N4BP2L2: variants seen among roughly 807,000 people sequenced by gnomAD.
N4BP2L2 encodes NEDD4 binding protein 2 like 2, also known as NEDD4-binding protein 2-like 2.
A neutral mutation model predicts 56.2 loss-of-function variants in N4BP2L2; 50 were observed. The ratio of observed to expected loss-of-function variants is 0.89; its 90% CI spans 0.71 to 1.13. The LOEUF (loss-of-function observed/expected upper bound fraction) is 1.13, where lower values mean the gene tolerates loss of function less well. Among genes scored for constraint, N4BP2L2 ranks in the 50% most tolerant of loss-of-function variants. The probability of loss-of-function intolerance (pLI) is 0.00; values close to 1 mark genes in which losing one functional copy is unlikely to be tolerated. For missense variants in N4BP2L2, 689 were observed against 693.8 expected (o/e 0.99, Z 0.08); for synonymous variants, 203 against 223.6 (o/e 0.91, Z 0.82).
intron 6 of N4BP2L2, among the ~76,000 whole-genome samples, chr13:32,496,311 T>C (rs1056129171): frequency 1.3e-5 from 2 of 152,196 alleles, no homozygotes; most frequent in Non-Finnish European, 2.9e-5. Flanking sequence ...CTGGCTGATA[T>C]GCCATCAAAT....
chr13:32,537,661 G>T (rs1324024239), intron 1 of N4BP2L2, among the ~76,000 whole-genome samples: 2 of 152,134 alleles, frequency 1.3e-5, no homozygotes, highest in South Asian at 4.1e-4. Context: ...TAAAAGGGGG[G>T]AAGAGATAAC....
intron 5 of N4BP2L2, among the ~76,000 whole-genome samples, chr13:32,518,440 T>G (rs1452547516): frequency 6.6e-6 from 1 of 152,178 alleles, no homozygotes; most frequent in Non-Finnish European, 1.5e-5. Context: ...CAACACCAAA[T>G]TATTATTACA....
At chr13:32,517,780 G>T in exon 6 of N4BP2L2, 1 of 1,610,932 alleles carries the variant, frequency 6.2e-7, no homozygotes, top group Non-Finnish European at 8.5e-7. Context: ...AACAACAAAT[G>T]TGTTAGCTGA....
At chr13:32,514,050 T>C (rs574047165) in exon 6 of N4BP2L2, 79 of 152,268 alleles carry the variant, frequency 5.2e-4, no homozygotes, top group African/African-American at 1.9e-3. Flanking sequence ...TACGTAAAAC[T>C]GGAAAATTCC....
chr13:32,511,627 C>T (rs2048152555), exon 6 of N4BP2L2: 1 of 152,056 alleles, frequency 6.6e-6, no homozygotes, highest in Admixed American at 6.6e-5. Context: ...ATAAGTTTAA[C>T]TTGATTAAGT....
chr13:32,493,710 A>C (rs2087759434), intron 6 of N4BP2L2, among the ~76,000 whole-genome samples: 1 of 152,254 alleles, frequency 6.6e-6, no homozygotes, highest in Non-Finnish European at 1.5e-5. Flanking sequence ...ATGTATAAGA[A>C]GGAAATAAAC....
chr13:32,486,885 G>C (rs1325160361), intron 6 of N4BP2L2, among the ~76,000 whole-genome samples: 2 of 152,058 alleles, frequency 1.3e-5, no homozygotes, highest in Non-Finnish European at 2.9e-5. Context: ...TGTAGACCCA[G>C]CTACTCAGAA....
intron 6 of N4BP2L2, among the ~76,000 whole-genome samples, chr13:32,474,527 T>TA (rs34753353): frequency 0.28 from 38,684 of 136,082 alleles, 6,143 homozygotes; most frequent in Non-Finnish European, 0.38. Flanking sequence ...CTGTCTCTAC[T>TA]AAAAAAAAAA....
At chr13:32,446,332 G>C (rs757663888) in intron 6 of N4BP2L2, 2 of 1,352,376 alleles carry the variant, frequency 1.5e-6, no homozygotes. Context: ...ATCTGTGGTT[G>C]TAACTCTCCT....
chr13:32,443,611 G>A lies in N4BP2L2; in HGVS notation c.881C>T (p.Thr294Ile), dbSNP rs147501500. ...TGAAGTTTCCGCAGAAAGGTCCTGGGTGTCTAATGCTATGGTATGCCTATT... is the reference window on the plus strand; with the variant it reads ...TGAAGTTTCCGCAGAAAGGTCCTGGATGTCTAATGCTATGGTATGCCTATT... Residue 294 changes from threonine to isoleucine, a missense_variant, in exon 7 of 10, where the codon ACC becomes ATC. By Grantham distance (89) the Thr-to-Ile change is moderately conservative. Transcript: ENST00000357505. 3.2e-4 allele frequency: 510 copies of A among 1,612,090 alleles called. 3 individuals are homozygous for A. The Middle Eastern group carries it at 8.4e-3, about 27-fold the overall frequency.
intron 6 of N4BP2L2, among the ~76,000 whole-genome samples, chr13:32,448,353 T>C (rs2077350614): frequency 6.6e-6 from 1 of 152,248 alleles, no homozygotes; most frequent in South Asian, 2.1e-4. Flanking sequence ...CTGATTCATT[T>C]AGGAATGAAT....
intron 3 of N4BP2L2, chr13:32,526,834 T>TG (rs1566178661): frequency 1.4e-5 from 2 of 143,218 alleles, no homozygotes; most frequent in East Asian, 2.0e-4. Flanking sequence ...TTTTTTTTTT[T>TG]TTTTTTTTTT....
intron 6 of N4BP2L2, among the ~76,000 whole-genome samples, chr13:32,449,010 T>C (rs899518874): frequency 1.3e-5 from 2 of 152,154 alleles, no homozygotes; most frequent in African/African-American, 2.4e-5. Context: ...CCTTGCAAAG[T>C]TGTTGTAAGG....
At chr13:32,473,412 T>C (rs1254683345) in intron 6 of N4BP2L2, among the ~76,000 whole-genome samples, 1 of 152,284 alleles carries the variant, frequency 6.6e-6, no homozygotes. Context: ...GGTGTGAACA[T>C]TGACTGGATC....
intron 9 of N4BP2L2, chr13:32,433,066 ACTCCCCT>A (rs1396115327): frequency 6.6e-6 from 1 of 151,936 alleles, no homozygotes. Context: ...GAGTTATGCC[ACTCCCCT>A]GGCATCCAGG....
chr13:32,530,226 A>G (rs912099487), intron 2 of N4BP2L2, among the ~76,000 whole-genome samples: 1 of 152,192 alleles, frequency 6.6e-6, no homozygotes, highest in African/African-American at 2.4e-5. Flanking sequence ...ACTATAGTAA[A>G]TAAGTTTAAC....
At chr13:32,503,172 CA>C (rs35773755) in intron 6 of N4BP2L2, among the ~76,000 whole-genome samples, 5,901 of 57,578 alleles carry the variant, frequency 0.1, 57 homozygotes, top group East Asian at 0.19. Context: ...GACTCTGTAG[CA>C]AAAAAAAAAA....
exon 6 of N4BP2L2, chr13:32,517,686 A>G: frequency 7.0e-7 from 1 of 1,432,464 alleles, no homozygotes; most frequent in Non-Finnish European, 9.1e-7. Context: ...CTTGCTGGGA[A>G]CATCCTTTGT....
intron 6 of N4BP2L2, among the ~76,000 whole-genome samples, chr13:32,470,495 G>A (rs2082097547): frequency 6.6e-6 from 1 of 152,190 alleles, no homozygotes; most frequent in South Asian, 2.1e-4. Context: ...TGTGACCACA[G>A]ATAGCTTTGG....
Sources: gnomAD v4.1 joint callset for allele counts (sites outside exome capture counted in the v4.1 genomes callset) on GRCh38, gnomAD v4.1.1 for gene constraint, MANE v1.5 for transcripts, NCBI Gene and HGNC (gene_info 2026-07-23, HGNC 2026-07-21) for gene names.